The following C12orf42 variants were observed in gnomAD, a reference collection of about 807,000 sequenced individuals.
The protein encoded by C12orf42 is chromosome 12 open reading frame 42, also known as uncharacterized protein C12orf42.
C12orf42 carries 25 observed loss-of-function variants against 21.6 expected under a neutral mutation model. The ratio of observed to expected loss-of-function variants is 1.16; its 90% CI spans 0.84 to 1.62. The LOEUF (loss-of-function observed/expected upper bound fraction) is 1.62, where lower values mean the gene tolerates loss of function less well. C12orf42 is among the 40% of genes most tolerant of loss of function. The probability of loss-of-function intolerance (pLI) is 0.00; values close to 1 mark genes in which losing one functional copy is unlikely to be tolerated. For synonymous variants in C12orf42, 174 were observed against 175.0 expected, an observed-to-expected ratio of 0.99 and a Z score of 0.05; for missense variants, 483 against 459.3, an observed-to-expected ratio of 1.05 and a Z score of -0.47.
chr12:103,083,698 T>C, the C12orf42 span, among the ~76,000 whole-genome samples: 84,950 of 152,086 alleles, frequency 0.56, 24,185 homozygotes, highest in East Asian at 0.78. Context: ...CAAAATCAGG[T>C]CTTCTGTGGC....
chr12:103,474,009 C>A (rs1953837075), intron 2 of C12orf42, among the ~76,000 whole-genome samples: 1 of 151,956 alleles, frequency 6.6e-6, no homozygotes. Flanking sequence ...GTTTTTATTC[C>A]CTGAGTTTTG....
At chr12:103,500,193 T>C (rs1488343999), upstream of C12orf42, among the ~76,000 whole-genome samples, 3 of 152,326 alleles carry the variant, frequency 2.0e-5, no homozygotes, top group Non-Finnish European at 2.9e-5. Flanking sequence ...TGTCAGAGTA[T>C]AGATTTTGGG....
chr12:103,215,233 A>T, the C12orf42 span, among the ~76,000 whole-genome samples: 1 of 152,086 alleles, frequency 6.6e-6, no homozygotes, highest in African/African-American at 2.4e-5. Flanking sequence ...TATTAATACT[A>T]ACACTAACTC....
rs191542985 is a variant in C12orf42 at position 103,432,751 on chromosome 12, G to A, written c.79-31076C>T. 8.5e-5 allele frequency among the ~76,000 whole-genome samples: 13 copies of A among 152,210 alleles called. No homozygotes were observed. In the East Asian group the frequency reaches 9.7e-4, roughly 11 times the overall value. ...CTAATCCAATATGCCTGGCATCCTC[G>A]TATGAAGAAGTTAGGACACAGATAC... On this transcript the variant is annotated intron_variant, in intron 2 of 5. Transcript: ENST00000548883.
At chr12:103,257,371 G>A (rs977905523) in intron 10 of C12orf42, among the ~76,000 whole-genome samples, 5 of 151,820 alleles carry the variant, frequency 3.3e-5, no homozygotes, top group African/African-American at 1.2e-4. Flanking sequence ...GTTAAAAAAA[G>A]AAATGAGCCA....
At chr12:103,104,932 T>C in the C12orf42 span, among the ~76,000 whole-genome samples, 3 of 152,196 alleles carry the variant, frequency 2.0e-5, no homozygotes, top group African/African-American at 7.2e-5. Flanking sequence ...TTTGAGGCTC[T>C]AGGCAGGACA....
intron 4 of C12orf42, among the ~76,000 whole-genome samples, chr12:103,342,220 C>T (rs1206743978): frequency 6.6e-6 from 1 of 152,124 alleles, no homozygotes; most frequent in Non-Finnish European, 1.5e-5. Context: ...AACCTTTTAA[C>T]TTGATGGGCT....
At chr12:103,324,645 T>G (rs1038724609) in intron 4 of C12orf42, among the ~76,000 whole-genome samples, 1 of 152,214 alleles carries the variant, frequency 6.6e-6, no homozygotes, top group African/African-American at 2.4e-5. Context: ...GAGTTTCTAT[T>G]CATTTCCATA....
the C12orf42 span, among the ~76,000 whole-genome samples, chr12:103,066,135 C>G: frequency 6.6e-6 from 1 of 152,138 alleles, no homozygotes; most frequent in African/African-American, 2.4e-5. Context: ...TTTTGAGAGA[C>G]AGCTCTTGGC....
At chr12:103,406,352 T>A (rs1375850389) in intron 2 of C12orf42, among the ~76,000 whole-genome samples, 3 of 152,176 alleles carry the variant, frequency 2.0e-5, no homozygotes, top group African/African-American at 7.2e-5. Flanking sequence ...AGAGGTTGTA[T>A]GGTCAAGAAA....
intron 2 of C12orf42, among the ~76,000 whole-genome samples, chr12:103,470,359 T>A (rs543908964): frequency 2.0e-5 from 3 of 152,250 alleles, no homozygotes; most frequent in Admixed American, 2.0e-4. Context: ...GGAAGCTCAG[T>A]CCATTCCGAA....
intron 4 of C12orf42, among the ~76,000 whole-genome samples, chr12:103,286,797 G>T (rs1317155200): frequency 6.6e-6 from 1 of 152,146 alleles, no homozygotes; most frequent in Non-Finnish European, 1.5e-5. Context: ...CAAAAAGAAA[G>T]GATGGTCATG....
At chr12:103,456,163 C>T (rs754805276) in intron 2 of C12orf42, 8 of 152,078 alleles carry the variant, frequency 5.3e-5, no homozygotes, top group Non-Finnish European at 1.0e-4. Context: ...TTTTATATCC[C>T]GGGGCAATTG....
chr12:103,218,006 G>A, the C12orf42 span, among the ~76,000 whole-genome samples: 1 of 152,154 alleles, frequency 6.6e-6, no homozygotes, highest in African/African-American at 2.4e-5. Context: ...CCTCGGCCAG[G>A]CACGGTGGCT....
the C12orf42 span, among the ~76,000 whole-genome samples, chr12:103,097,186 T>C: frequency 6.6e-6 from 1 of 152,208 alleles, no homozygotes; most frequent in Non-Finnish European, 1.5e-5. Context: ...TATCACTTAG[T>C]TTACAAAAGA....
chr12:103,181,170 G>T, the C12orf42 span, among the ~76,000 whole-genome samples: 1 of 151,912 alleles, frequency 6.6e-6, no homozygotes, highest in Non-Finnish European at 1.5e-5. Context: ...GCTGAGGCAG[G>T]AGAATCATTT....
At chr12:103,265,898 G>A (rs982655752), downstream of C12orf42, among the ~76,000 whole-genome samples, 3 of 151,702 alleles carry the variant, frequency 2.0e-5, no homozygotes, top group African/African-American at 7.3e-5. Context: ...TTTTGTCTAG[G>A]GGTGTGTTGA....
chr12:103,108,621 A>G, the C12orf42 span, among the ~76,000 whole-genome samples: 1 of 152,172 alleles, frequency 6.6e-6, no homozygotes, highest in African/African-American at 2.4e-5. Flanking sequence ...TTTCTGAAAG[A>G]CAATCTGTCT....
chr12:103,316,203 C>T (rs966100030), intron 4 of C12orf42, among the ~76,000 whole-genome samples: 2 of 141,550 alleles, frequency 1.4e-5, no homozygotes, highest in African/African-American at 5.7e-5. Flanking sequence ...TATACACACA[C>T]ACTATTTTTA....
Sources: allele counts gnomAD v4.1 joint callset (sites outside exome capture counted in the v4.1 genomes callset), GRCh38; gene constraint gnomAD v4.1.1; transcripts MANE v1.5; gene names NCBI Gene and HGNC (gene_info 2026-07-23, HGNC 2026-07-21).